TGIF2: variants seen among roughly 807,000 people sequenced by gnomAD.
TGIF2 encodes the protein homeobox protein TGIF2.
Under a neutral mutation model 15.1 loss-of-function variants are expected in TGIF2, and 5 were observed. That is an observed-to-expected ratio of 0.33 (90% confidence interval 0.17 to 0.70). The LOEUF is 0.70. Ranked by LOEUF, TGIF2 falls within the 30% of genes least tolerant of loss-of-function variation. The probability of loss-of-function intolerance (pLI) is 0.67; values close to 1 mark genes in which losing one functional copy is unlikely to be tolerated. For missense variants in TGIF2, 264 were observed against 302.5 expected (o/e 0.87, Z 0.94); for synonymous variants, 131 against 128.9 (o/e 1.02, Z -0.11).
chr20:36,580,755 A>T (rs1201505152), intron 2 of TGIF2, among the ~76,000 whole-genome samples: 1 of 141,030 alleles, frequency 7.1e-6, no homozygotes, highest in Non-Finnish European at 1.5e-5. Flanking sequence ...TGGAGGCTGC[A>T]GTGAGCTGTG....
chr20:36,582,299 G>T (rs1386498500), intron 2 of TGIF2, among the ~76,000 whole-genome samples: 1 of 151,936 alleles, frequency 6.6e-6, no homozygotes, highest in African/African-American at 2.4e-5. Context: ...ATGTTAACCT[G>T]AATCATTTTT....
intron 2 of TGIF2, among the ~76,000 whole-genome samples, chr20:36,586,701 C>G (rs1377778820): frequency 3.4e-5 from 5 of 148,096 alleles, no homozygotes; most frequent in South Asian, 2.2e-4. Context: ...TTTCCCCCCC[C>G]CCAAAAAAAA....
Position 36,580,963 on chromosome 20 carries a change from A to G in TGIF2, c.192+1997A>G, listed in dbSNP as rs142498424. The stretch of plus-strand genomic sequence containing the variant: ...AACATGGAGAAACCCCATCTCTACT[A>G]AAAATACAAAAAAAATTGCCAGGTG... On this transcript the variant is annotated intron_variant, in intron 2 of 2. Transcript: ENST00000373872. Among the ~76,000 whole-genome samples the G allele has an allele frequency of 1.2e-3, 183 of 152,092 alleles. 2 individuals are homozygous for G. The East Asian group carries it at 0.031, about 26-fold the overall frequency.
At chr20:36,574,310 C>T (rs1199038405) in intron 1 of TGIF2, among the ~76,000 whole-genome samples, 1 of 151,890 alleles carries the variant, frequency 6.6e-6, no homozygotes, top group Non-Finnish European at 1.5e-5. Context: ...GCGCGTGGGG[C>T]CGGCGCCCCG....
chr20:36,581,351 G>A lies in TGIF2; in HGVS notation c.192+2385G>A, dbSNP rs185513160. On this transcript the variant is annotated intron_variant, in intron 2 of 2. Transcript: ENST00000373872. ...AGGAGTGTCTGGACAGCCTCTTTGC[G>A]GGTCTCCCTGCCTTCAGCCTTCAGC... Among the ~76,000 whole-genome samples the A allele has an allele frequency of 3.3e-5, 5 of 152,154 alleles. No individual in the cohort carries two copies. In the South Asian group the frequency reaches 8.3e-4, roughly 25 times the overall value.
At chr20:36,590,472 T>C (rs2038746784) in intron 2 of TGIF2, among the ~76,000 whole-genome samples, 1 of 152,240 alleles carries the variant, frequency 6.6e-6, no homozygotes, top group African/African-American at 2.4e-5. Flanking sequence ...CAGGTTGGTG[T>C]GTGTTCTTAT....
At chr20:36,589,212 G>A (rs1037279623) in intron 2 of TGIF2, among the ~76,000 whole-genome samples, 2 of 152,078 alleles carry the variant, frequency 1.3e-5, no homozygotes, top group Non-Finnish European at 2.9e-5. Context: ...TCACCTAATG[G>A]TTAATAGTCA....
At chr20:36,589,585 G>C (rs1184380131) in intron 2 of TGIF2, among the ~76,000 whole-genome samples, 1 of 152,096 alleles carries the variant, frequency 6.6e-6, no homozygotes, top group Non-Finnish European at 1.5e-5. Context: ...TAGAGACGGG[G>C]TTTCACTATG....
intron 1 of TGIF2, among the ~76,000 whole-genome samples, chr20:36,577,945 C>CAAAT (rs1166051365): frequency 1.3e-5 from 2 of 152,170 alleles, no homozygotes; most frequent in African/African-American, 4.8e-5. Context: ...GGTGGGCTTA[C>CAAAT]AAATGCACAG....
chr20:36,584,771 T>TC (rs1313271056), intron 2 of TGIF2, among the ~76,000 whole-genome samples: 2 of 152,122 alleles, frequency 1.3e-5, no homozygotes, highest in Non-Finnish European at 2.9e-5. Flanking sequence ...GGTCTCGAAC[T>TC]CCCGACCTCA....
intron 1 of TGIF2, among the ~76,000 whole-genome samples, chr20:36,576,101 A>AAAAAG (rs1555925422): frequency 6.7e-6 from 1 of 150,044 alleles, no homozygotes; most frequent in Non-Finnish European, 1.5e-5. Flanking sequence ...CAAAAAAAAA[A>AAAAAG]AAAGAAAGAA....
intron 1 of TGIF2, chr20:36,574,808 GGGA>G (rs2038389194): frequency 6.6e-6 from 1 of 152,340 alleles, no homozygotes; most frequent in South Asian, 2.1e-4. Context: ...TGGGCCGCGG[GGGA>G]GGTTGCGCGC....
chr20:36,585,971 AC>A (rs1243748760), intron 2 of TGIF2, among the ~76,000 whole-genome samples: 1 of 152,106 alleles, frequency 6.6e-6, no homozygotes, highest in Non-Finnish European at 1.5e-5. Flanking sequence ...CAAAGCCCAT[AC>A]CGGGGCAGGG....
Position 36,578,896 on chromosome 20 carries a change from G to A in TGIF2, c.122G>A (p.Arg41His), listed in dbSNP as rs2038487098. 3 of 1,614,160 alleles carry A rather than the reference G, an allele frequency of 1.9e-6. No individual in the cohort carries two copies. The highest frequency in any genetic ancestry group is 2.5e-6 in the Non-Finnish European group (3 of 1,180,016). Residue 41 changes from arginine to histidine, a missense_variant, in exon 2 of 3, where the codon CGC becomes CAC. By Grantham distance (29) the Arg-to-His change is conservative. Transcript: ENST00000373872. ...CTCCGGGACTGGCTGTACTTGCACC[G>A]CTACAACGCCTACCCCTCAGAGCAG... ...KILRDWLYLH[R>H]YNAYPSEQEK...
At chr20:36,589,267 A>C (rs1310288619) in intron 2 of TGIF2, among the ~76,000 whole-genome samples, 1 of 152,224 alleles carries the variant, frequency 6.6e-6, no homozygotes, top group South Asian at 2.1e-4. Flanking sequence ...GGTGGAGTGC[A>C]TGTCTGTTTA....
At chr20:36,580,807 T>C (rs1313963722) in intron 2 of TGIF2, among the ~76,000 whole-genome samples, 1 of 88,398 alleles carries the variant, frequency 1.1e-5, no homozygotes, top group East Asian at 3.2e-4. Context: ...GAGTGAGACA[T>C]TGTCTCAAAA....
rs2038760854 is a variant in TGIF2 at position 36,591,077 on chromosome 20, C to T, written c.360C>T (p.Ala120=). The part of the protein sequence containing the change: ...SPSVLAVSVP[A]PTNVLSLSVC... ...CAGTGCTGGCTGTGTCTGTCCCAGC[C>T]CCCACCAATGTGCTCTCCCTGTCTG... Residue 120 remains alanine, a synonymous_variant, in exon 3 of 3, where the codon GCC becomes GCT. Transcript: ENST00000373872. This position sits in a 1 kb window ranked among gnomAD's most constrained non-coding sequence, Gnocchi z 5.3. 1.3e-6 allele frequency: 2 copies of T among 1,597,522 alleles called. No individual in the cohort carries two copies. The highest frequency in any genetic ancestry group is 1.7e-6 in the Non-Finnish European group (2 of 1,167,550).
At chr20:36,581,474 C>T (rs2147927358) in intron 2 of TGIF2, among the ~76,000 whole-genome samples, 1 of 152,294 alleles carries the variant, frequency 6.6e-6, no homozygotes, top group Admixed American at 6.5e-5. Context: ...GGATAGAGTC[C>T]AAACTGATCT....
At position 36,577,551 on chromosome 20, in the gene TGIF2, G is replaced by A. The variant is rs1433806820; in HGVS notation, c.-34-1190G>A. 5.6e-5 allele frequency among the ~76,000 whole-genome samples: 8 copies of A among 142,196 alleles called. 1 individual carries two copies. In the South Asian group the frequency reaches 1.1e-3, roughly 20 times the overall value. 93.3% of individuals were successfully genotyped at this position (142,196 alleles called of 152,430 possible). On this transcript the variant is annotated intron_variant, in intron 1 of 2. Coordinates refer to ENST00000373872, the MANE Select transcript of TGIF2 (RefSeq NM_021809.7). ...TTTTTTTTTTTTGAGATGGAGTCTCGCTGTGTCACTAGGCTGGAGTGCGGT... is the reference window on the plus strand; with the variant it reads ...TTTTTTTTTTTTGAGATGGAGTCTCACTGTGTCACTAGGCTGGAGTGCGGT...
Sources: gnomAD v4.1 joint callset for allele counts (sites outside exome capture counted in the v4.1 genomes callset) on GRCh38, gnomAD v4.1.1 for gene constraint, Gnocchi (gnomAD v3.1) non-coding constraint, MANE v1.5 for transcripts, NCBI Gene and HGNC (gene_info 2026-07-23, HGNC 2026-07-21) for gene names.